TNFRSF19: variants seen among roughly 807,000 people sequenced by gnomAD.
TNFRSF19 encodes TNF receptor superfamily member 19.
TNFRSF19 carries 27 observed loss-of-function variants against 46.4 expected under a neutral mutation model. The ratio of observed to expected loss-of-function variants is 0.58; its 90% CI spans 0.43 to 0.80. TNFRSF19 has a LOEUF of 0.80. Ranked by LOEUF, TNFRSF19 falls within the 30% of genes least tolerant of loss-of-function variation. The pLI, the probability that TNFRSF19 is intolerant of heterozygous loss-of-function variation, is 0.00. For synonymous variants in TNFRSF19, 204 were observed against 205.0 expected (o/e 1.00, Z 0.04); for missense variants, 511 against 530.8 (o/e 0.96, Z 0.37).
intron 1 of TNFRSF19, among the ~76,000 whole-genome samples, chr13:23,578,012 G>A (rs1878082517): frequency 6.6e-6 from 1 of 152,186 alleles, no homozygotes; most frequent in Non-Finnish European, 1.5e-5. Context: ...GGGACTGCGT[G>A]AGACCTTGCA....
Position 23,625,966 on chromosome 13 carries a change from T to A in TNFRSF19, c.360-741T>A, listed in dbSNP as rs180945247. Among the ~76,000 whole-genome samples, 171 of 152,352 alleles carry A rather than the reference T, an allele frequency of 1.1e-3. 1 individual carries two copies. Among genetic ancestry groups the A allele is most frequent in the African/African-American group, 3.7e-3 (155 of 41,580 alleles). On this transcript the variant is annotated intron_variant, in intron 4 of 9. Transcript: ENST00000248484. Reference sequence around the variant, plus strand: ...CGTGCTTTTCAGTTTAATTATGAAATTTTTAAATTATGAAACATTCTTCTT... The same window carrying A: ...CGTGCTTTTCAGTTTAATTATGAAAATTTTAAATTATGAAACATTCTTCTT...
intron 9 of TNFRSF19, 54 bp from the exon 10 acceptor site, chr13:23,673,318 A>G: frequency 6.4e-7 from 1 of 1,562,566 alleles, no homozygotes; most frequent in Admixed American, 1.8e-5. Context: ...GAAATTTAGC[A>G]GATTTAACTT....
At chr13:23,656,866 AG>A (rs1884017026) in intron 5 of TNFRSF19, among the ~76,000 whole-genome samples, 1 of 152,060 alleles carries the variant, frequency 6.6e-6, no homozygotes, top group African/African-American at 2.4e-5. Context: ...ATGCATTTTC[AG>A]TGTTTGCACA....
In TNFRSF19 at chr13:23,674,126, T is replaced by C. The variant is rs1951795114; in HGVS notation, c.*746T>C. On this transcript the variant is annotated 3_prime_UTR_variant, in exon 10 of 10. Transcript: ENST00000248484. ...AGAAAGGGCAGCCCATTGCCCAGAA[T>C]TAACACATATTGTAGAGACTTGTAT... 6.6e-6 allele frequency: 1 copy of C among 152,218 alleles called. No homozygotes were observed. Among genetic ancestry groups the C allele is most frequent in the South Asian group, 2.1e-4 (1 of 4,832 alleles). The allele number at this position is 152,218 out of a possible 1,614,324, so 9.4% of individuals were successfully genotyped here.
chr13:23,645,550 C>T (rs1018943781), intron 5 of TNFRSF19, among the ~76,000 whole-genome samples: 1 of 152,152 alleles, frequency 6.6e-6, no homozygotes, highest in African/African-American at 2.4e-5. Flanking sequence ...CCCGCAAAGC[C>T]TTGGTTTATT....
chr13:23,595,415 A>C (rs192051081), intron 3 of TNFRSF19, among the ~76,000 whole-genome samples: 4 of 152,342 alleles, frequency 2.6e-5, no homozygotes, highest in Admixed American at 2.0e-4. Flanking sequence ...AAGAACATAA[A>C]TGACCTGATG....
Position 23,675,637 on chromosome 13 carries a change from C to T in TNFRSF19, c.*2257C>T, listed in dbSNP as rs1951819042. On this transcript the variant is annotated 3_prime_UTR_variant, in exon 10 of 10. Coordinates refer to ENST00000248484, the MANE Select transcript of TNFRSF19 (RefSeq NM_148957.4). ...TTTGAGGAAAAAAATGCAATTTGCA[C>T]TTCACTTTGTTGGAATATCCCATAG... 6.6e-6 allele frequency: 1 copy of T among 152,178 alleles called. No homozygotes were observed. The highest frequency in any genetic ancestry group is 2.4e-5 in the African/African-American group (1 of 41,442). The allele number at this position is 152,178 out of a possible 1,614,324, so 9.4% of individuals were successfully genotyped here. A position where few individuals can be genotyped will look rare whatever the true frequency, so the allele number is the denominator to read the frequency against.
chr13:23,671,313 A>G (rs1467221440), intron 9 of TNFRSF19, among the ~76,000 whole-genome samples: 34 of 152,206 alleles, frequency 2.2e-4, no homozygotes, highest in Admixed American at 2.2e-3. Context: ...CAGTATAATA[A>G]TTTATTAATG....
intron 1 of TNFRSF19, among the ~76,000 whole-genome samples, chr13:23,574,039 G>A (rs1266778823): frequency 1.5e-5 from 2 of 137,240 alleles, no homozygotes; most frequent in Admixed American, 7.6e-5. Flanking sequence ...TCCAGCCTGG[G>A]TGACAGAGTG....
intron 5 of TNFRSF19, among the ~76,000 whole-genome samples, chr13:23,647,569 A>T (rs901444740): frequency 1.3e-5 from 2 of 150,948 alleles, no homozygotes; most frequent in African/African-American, 4.9e-5. Flanking sequence ...GCCCAGCTAC[A>T]TTTTTTTTTA....
chr13:23,622,293 C>T (rs1881719128), intron 4 of TNFRSF19, among the ~76,000 whole-genome samples: 1 of 151,780 alleles, frequency 6.6e-6, no homozygotes, highest in Admixed American at 6.6e-5. Flanking sequence ...CCTGTAATCC[C>T]AGCTACTTGG....
chr13:23,607,663 AT>A (rs138855378), intron 3 of TNFRSF19, among the ~76,000 whole-genome samples: 11,955 of 152,198 alleles, frequency 0.079, 690 homozygotes, highest in East Asian at 0.28. Context: ...TAAAAAGTAC[AT>A]TTTTTAGTAG....
intron 3 of TNFRSF19, among the ~76,000 whole-genome samples, chr13:23,602,742 G>T (rs147052579): frequency 2.2e-4 from 33 of 152,148 alleles, no homozygotes; most frequent in Admixed American, 5.9e-4. Context: ...TGGAGATTAA[G>T]AACACACTTC....
At chr13:23,664,700 T>C (rs1383738040) in intron 7 of TNFRSF19, among the ~76,000 whole-genome samples, 1 of 152,258 alleles carries the variant, frequency 6.6e-6, no homozygotes, top group Non-Finnish European at 1.5e-5. Context: ...CAGTCTCATG[T>C]TGTATATACA....
intron 5 of TNFRSF19, among the ~76,000 whole-genome samples, chr13:23,651,223 G>C (rs1883607894): frequency 6.6e-6 from 1 of 152,150 alleles, no homozygotes; most frequent in African/African-American, 2.4e-5. Flanking sequence ...TGGTAGAAGA[G>C]CACAGAAAGC....
chr13:23,620,060 T>G (rs1353763643), intron 4 of TNFRSF19, among the ~76,000 whole-genome samples: 8 of 152,368 alleles, frequency 5.3e-5, no homozygotes, highest in Non-Finnish European at 1.2e-4. Context: ...ATTTATATGA[T>G]TACTTTAAAA....
Position 23,668,870 on chromosome 13 carries a change from G to A in TNFRSF19, c.1018G>A (p.Glu340Lys). ...TGEDIHSLNP[E>K]LESSTSLDSN... ...AGAAGACATTCATTCTCTCAATCCA[G>A]AACTTGAAAGCTCAACGTCTTTGGA... Residue 340 changes from glutamate (E) to lysine (K), a missense_variant, in exon 9 of 10, where the codon GAA (glutamate) becomes AAA (lysine). This residue lies in a region of TNFRSF19 where 376 missense variants were observed against 372.7 expected (regional missense o/e 1.01). Coordinates refer to ENST00000248484, the MANE Select transcript of TNFRSF19 (RefSeq NM_148957.4). 1 of 1,614,246 alleles carries A rather than the reference G, an allele frequency of 6.2e-7. No individual in the cohort carries two copies. The highest frequency in any genetic ancestry group is 2.2e-5 in the East Asian group (1 of 44,884).
chr13:23,652,461 A>C (rs1188889798), intron 5 of TNFRSF19, among the ~76,000 whole-genome samples: 2 of 152,212 alleles, frequency 1.3e-5, no homozygotes, highest in African/African-American at 4.8e-5. Context: ...GCATATAATA[A>C]GATCCTTCTG....
At chr13:23,666,480 C>T (rs987751613) in intron 7 of TNFRSF19, among the ~76,000 whole-genome samples, 1 of 152,152 alleles carries the variant, frequency 6.6e-6, no homozygotes, top group African/African-American at 2.4e-5. Context: ...GGTTGCAGCC[C>T]TTTGGTGTCA....
Sources: gnomAD v4.1 joint callset for allele counts (sites outside exome capture counted in the v4.1 genomes callset) on GRCh38, gnomAD v4.1.1 for gene constraint, gnomAD v4.1.1 regional missense constraint, MANE v1.5 for transcripts, NCBI Gene and HGNC (gene_info 2026-07-23, HGNC 2026-07-21) for gene names.